FHOD3: variants seen among roughly 807,000 people sequenced by gnomAD.
FHOD3 encodes FH1/FH2 domain-containing protein 3.
In FHOD3, 90 loss-of-function variants were observed where a neutral mutation model predicts 173.0. The ratio of observed to expected loss-of-function variants is 0.52; its 90% CI spans 0.44 to 0.62. The LOEUF is 0.62. Among genes scored for constraint, FHOD3 ranks in the 20% least tolerant of loss-of-function variants. The pLI, the probability that FHOD3 is intolerant of heterozygous loss-of-function variation, is 0.00. For synonymous variants in FHOD3, 828 were observed against 823.0 expected, an observed-to-expected ratio of 1.01 and a Z score of -0.10; for missense variants, 1,945 against 2,034.7, an observed-to-expected ratio of 0.96 and a Z score of 0.85.
intron 1 of FHOD3, among the ~76,000 whole-genome samples, chr18:36,355,177 G>T (rs1417452957): frequency 6.6e-6 from 1 of 152,146 alleles, no homozygotes. Flanking sequence ...TAAGCCCTGT[G>T]ACTCAATCCA....
intron 3 of FHOD3, among the ~76,000 whole-genome samples, chr18:36,456,205 A>G (rs771675529): frequency 1.3e-5 from 2 of 152,164 alleles, no homozygotes; most frequent in Admixed American, 6.5e-5. Flanking sequence ...ATGGGCCTCA[A>G]ACAAATCCTT....
chr18:36,591,025 A>G (rs1044426113), intron 6 of FHOD3, among the ~76,000 whole-genome samples: 3 of 152,224 alleles, frequency 2.0e-5, no homozygotes, highest in Admixed American at 6.5e-5. Context: ...CTTAAACCAC[A>G]TAATAATAGT....
chr18:36,658,929 C>A lies in FHOD3; in HGVS notation c.1835+741C>A, dbSNP rs116440726. 3.1e-3 allele frequency among the ~76,000 whole-genome samples: 474 copies of A among 152,190 alleles called. 4 individuals are homozygous for A. The highest frequency in any genetic ancestry group is 0.011 in the African/African-American group (453 of 41,530). On this transcript the variant is annotated intron_variant, in intron 14 of 28. Coordinates refer to ENST00000590592, the MANE Select transcript of FHOD3 (RefSeq NM_001281740.3). ...TTTGATGAGCAAACAAAAGTCCACTCGGGAGTGCTGTGTGAAGCCCACCAT... is the reference window on the plus strand; with the variant it reads ...TTTGATGAGCAAACAAAAGTCCACTAGGGAGTGCTGTGTGAAGCCCACCAT...
rs1037704545 is a variant in FHOD3, at chr18:36,420,750, C to G, written c.337+48006C>G. Among the ~76,000 whole-genome samples the G allele has an allele frequency of 5.3e-5, 8 of 152,300 alleles. No individual in the cohort carries two copies. The East Asian group carries it at 1.2e-3, about 22-fold the overall frequency. ...TTTTGGCCAGTTTCTTTTAGCTTAT[C>G]TGTGATTCACTTAGATGGTTGATAC... On this transcript the variant is annotated intron_variant, in intron 3 of 28. Coordinates refer to ENST00000590592, the MANE Select transcript of FHOD3 (RefSeq NM_001281740.3).
At chr18:36,308,285 A>T (rs1377551949) in intron 1 of FHOD3, among the ~76,000 whole-genome samples, 1 of 152,204 alleles carries the variant, frequency 6.6e-6, no homozygotes, top group Non-Finnish European at 1.5e-5. Flanking sequence ...TTGAAGGATA[A>T]AGATTTCATC....
intron 5 of FHOD3, among the ~76,000 whole-genome samples, chr18:36,547,294 C>A (rs1057339711): frequency 6.6e-6 from 1 of 152,210 alleles, no homozygotes; most frequent in African/African-American, 2.4e-5. Flanking sequence ...CTCTCCAAGG[C>A]CATGGTTGCA....
intron 17 of FHOD3, among the ~76,000 whole-genome samples, chr18:36,697,700 T>C (rs1057337330): frequency 6.6e-6 from 1 of 152,212 alleles, no homozygotes; most frequent in Admixed American, 6.5e-5. Context: ...CAAAGGTTAA[T>C]GATACTTCCT....
At chr18:36,382,117 T>G (rs545018771) in intron 3 of FHOD3, among the ~76,000 whole-genome samples, 2 of 152,204 alleles carry the variant, frequency 1.3e-5, no homozygotes, top group Non-Finnish European at 2.9e-5. Context: ...AGCGACCTGA[T>G]GCAAGACTGC....
intron 1 of FHOD3, among the ~76,000 whole-genome samples, chr18:36,345,057 TC>T (rs1339760547): frequency 1.3e-5 from 2 of 152,192 alleles, no homozygotes; most frequent in East Asian, 3.9e-4. Context: ...TGTATGCCTC[TC>T]TATAGAACAA....
chr18:36,424,144 G>A (rs569792603), intron 3 of FHOD3, among the ~76,000 whole-genome samples: 1 of 152,190 alleles, frequency 6.6e-6, no homozygotes, highest in East Asian at 1.9e-4. Context: ...TCCACATGTG[G>A]AGTTCCAATA....
At chr18:36,642,031 G>T (rs1254516098) in intron 10 of FHOD3, among the ~76,000 whole-genome samples, 1 of 151,966 alleles carries the variant, frequency 6.6e-6, no homozygotes, top group African/African-American at 2.4e-5. Context: ...GTAAACGAAT[G>T]CAGGAACAGA....
intron 4 of FHOD3, among the ~76,000 whole-genome samples, chr18:36,509,325 G>A (rs2055490930): frequency 6.6e-6 from 1 of 151,530 alleles, no homozygotes. Flanking sequence ...TACTCGGGAG[G>A]CTGAGTCAGG....
chr18:36,305,217 G>T (rs2092061565), intron 1 of FHOD3, among the ~76,000 whole-genome samples: 1 of 152,074 alleles, frequency 6.6e-6, no homozygotes, highest in African/African-American at 2.4e-5. Flanking sequence ...AATCTACATT[G>T]TATCTATTTA....
intron 17 of FHOD3, among the ~76,000 whole-genome samples, chr18:36,705,347 AT>A (rs1452960685): frequency 5.3e-5 from 8 of 151,972 alleles, no homozygotes; most frequent in African/African-American, 1.9e-4. Flanking sequence ...CATTCTCAGC[AT>A]TTCCCCCCTT....
chr18:36,681,293 G>T, intron 14 of FHOD3, 143 bp from the exon 15 acceptor site: 1 of 924,416 alleles, frequency 1.1e-6, no homozygotes, highest in Non-Finnish European at 1.6e-6. Flanking sequence ...GAAACAAGAA[G>T]ACCCGAGGCA....
chr18:36,322,883 C>T (rs896683736), intron 1 of FHOD3, among the ~76,000 whole-genome samples: 2 of 152,234 alleles, frequency 1.3e-5, no homozygotes, highest in African/African-American at 4.8e-5. Flanking sequence ...CTGACACTTA[C>T]TGCTGTCTGT....
intron 3 of FHOD3, among the ~76,000 whole-genome samples, chr18:36,472,780 A>G (rs1435191972): frequency 2.0e-5 from 3 of 152,146 alleles, no homozygotes; most frequent in African/African-American, 4.8e-5. Flanking sequence ...TTTCCAGTGC[A>G]TGTATATGCC....
At chr18:36,668,366 C>T (rs1466265729) in intron 14 of FHOD3, among the ~76,000 whole-genome samples, 2 of 151,822 alleles carry the variant, frequency 1.3e-5, no homozygotes, top group African/African-American at 2.4e-5. Context: ...CTGCAGTGAT[C>T]GTATTTCTCA....
intron 3 of FHOD3, among the ~76,000 whole-genome samples, chr18:36,463,249 T>C (rs2052669043): frequency 1.3e-5 from 2 of 150,212 alleles, no homozygotes; most frequent in African/African-American, 4.9e-5. Flanking sequence ...TAAATAGGAA[T>C]TATTTTCTGA....
Sources: gnomAD v4.1 joint callset for allele counts (sites outside exome capture counted in the v4.1 genomes callset) on GRCh38, gnomAD v4.1.1 for gene constraint, MANE v1.5 for transcripts, NCBI Gene and HGNC (gene_info 2026-07-23, HGNC 2026-07-21) for gene names.